Variants in MDGA2 observed in about 807,000 individuals in gnomAD.
The protein encoded by MDGA2 is MAM domain-containing glycosylphosphatidylinositol anchor protein 2.
A neutral mutation model predicts 117.8 loss-of-function variants in MDGA2; 40 were observed. The ratio of observed to expected loss-of-function variants is 0.34; its 90% CI spans 0.26 to 0.44. MDGA2 has a LOEUF of 0.44. Ranked by LOEUF, MDGA2 falls within the 20% of genes least tolerant of loss-of-function variation. MDGA2 has a pLI of 1.00. For synonymous variants in MDGA2, 452 were observed against 439.0 expected, an observed-to-expected ratio of 1.03 and a Z score of -0.37; for missense variants, 1,123 against 1,250.6, an observed-to-expected ratio of 0.90 and a Z score of 1.54.
intron 1 of MDGA2, among the ~76,000 whole-genome samples, chr14:47,493,955 GT>G (rs1894226302): frequency 6.6e-6 from 1 of 152,118 alleles, no homozygotes; most frequent in Non-Finnish European, 1.5e-5. Context: ...ATCGTCAAGT[GT>G]TGGAGGAGGG....
At chr14:47,216,820 T>G (rs12100959) in intron 3 of MDGA2, among the ~76,000 whole-genome samples, 11,192 of 152,110 alleles carry the variant, frequency 0.074, 470 homozygotes, top group Middle Eastern at 0.088. Context: ...GGCTATATTA[T>G]TTTGGGAAGT....
chr14:47,107,081 T>A (rs992694708), intron 5 of MDGA2, among the ~76,000 whole-genome samples: 1 of 133,048 alleles, frequency 7.5e-6, no homozygotes, highest in Non-Finnish European at 1.6e-5. Context: ...AACCCACAAG[T>A]ATAAGACACC....
intron 6 of MDGA2, among the ~76,000 whole-genome samples, chr14:47,083,708 A>G (rs1890790261): frequency 6.6e-6 from 1 of 152,106 alleles, no homozygotes; most frequent in African/African-American, 2.4e-5. Context: ...AAATATAATG[A>G]TATAGGTAGG....
chr14:47,562,590 T>C (rs919642254), intron 1 of MDGA2, among the ~76,000 whole-genome samples: 2 of 152,220 alleles, frequency 1.3e-5, no homozygotes, highest in African/African-American at 4.8e-5. Flanking sequence ...TAATGTCTCA[T>C]GTTTTATTTC....
chr14:47,603,423 G>A (rs148507014), intron 1 of MDGA2, among the ~76,000 whole-genome samples: 4 of 152,208 alleles, frequency 2.6e-5, no homozygotes, highest in East Asian at 1.9e-4. Flanking sequence ...CATCACTGTC[G>A]AAAGACTAGC....
intron 2 of MDGA2, among the ~76,000 whole-genome samples, chr14:47,226,056 G>T (rs1886484067): frequency 6.6e-6 from 1 of 151,758 alleles, no homozygotes; most frequent in Admixed American, 6.6e-5. Flanking sequence ...TGGGGAGGCC[G>T]AGGCAGAAGG....
At chr14:47,107,695 C>T (rs1419209977) in intron 5 of MDGA2, among the ~76,000 whole-genome samples, 3 of 151,478 alleles carry the variant, frequency 2.0e-5, no homozygotes, top group Admixed American at 1.3e-4. Context: ...GCACCTTCTA[C>T]AAAACAACTC....
intron 2 of MDGA2, among the ~76,000 whole-genome samples, chr14:47,260,134 G>T (rs1288427600): frequency 1.3e-5 from 2 of 152,046 alleles, no homozygotes; most frequent in African/African-American, 4.8e-5. Flanking sequence ...GGATAGCATG[G>T]CCCAAAATAT....
intron 1 of MDGA2, among the ~76,000 whole-genome samples, chr14:47,302,672 G>T (rs1248458142): frequency 6.6e-6 from 1 of 151,810 alleles, no homozygotes; most frequent in African/African-American, 2.4e-5. Flanking sequence ...TGATTCTATG[G>T]AAGAAAAAAA....
intron 4 of MDGA2, among the ~76,000 whole-genome samples, chr14:47,143,258 T>C (rs1882799039): frequency 6.6e-6 from 1 of 152,208 alleles, no homozygotes; most frequent in Admixed American, 6.5e-5. Context: ...AGTACAGGCA[T>C]GAGCCACCAC....
intron 2 of MDGA2, among the ~76,000 whole-genome samples, chr14:47,292,772 G>A (rs117619004): frequency 0.011 from 1,677 of 152,202 alleles, 14 homozygotes; most frequent in Non-Finnish European, 0.016. Flanking sequence ...CATTATAGCG[G>A]AAAATGCCTA....
intron 8 of MDGA2, among the ~76,000 whole-genome samples, chr14:46,970,341 G>A (rs10151715): frequency 0.57 from 86,905 of 151,900 alleles, 25,687 homozygotes; most frequent in Non-Finnish European, 0.63. Context: ...TATAGCAGTC[G>A]TATAAAAACA....
chr14:47,605,659 T>C (rs949803367), intron 1 of MDGA2, among the ~76,000 whole-genome samples: 2 of 152,108 alleles, frequency 1.3e-5, no homozygotes, highest in African/African-American at 4.8e-5. Flanking sequence ...AAAAAAAAGA[T>C]TAATCAGAAT....
At chr14:46,960,874 CAT>C (rs533297273) in intron 8 of MDGA2, among the ~76,000 whole-genome samples, 155 of 138,260 alleles carry the variant, frequency 1.1e-3, no homozygotes, top group East Asian at 6.5e-3. Context: ...TATATATACA[CAT>C]GTTTTATATA....
Position 47,038,476 on chromosome 14 carries a change from ATTTG to A in MDGA2, c.1526-3176_1526-3173del, listed in dbSNP as rs545843420. The stretch of plus-strand genomic sequence containing the variant: ...AAATATTTCAAATATCCCTTTTAAA[ATTTG>A]TTTATGTTTTTCATGTATTTAGATA... On this transcript the variant is annotated intron_variant, in intron 7 of 16. Transcript: ENST00000399232. Among the ~76,000 whole-genome samples the A allele has an allele frequency of 2.2e-4, 34 of 152,218 alleles. 1 individual carries two copies. The highest frequency in any genetic ancestry group is 1.0e-3 in the South Asian group (5 of 4,828).
intron 1 of MDGA2, among the ~76,000 whole-genome samples, chr14:47,529,662 T>C (rs1327539196): frequency 2.0e-5 from 3 of 152,152 alleles, no homozygotes; most frequent in Non-Finnish European, 2.9e-5. Context: ...TCTGAACCCT[T>C]GACTTAAATT....
chr14:47,112,550 T>A (rs1881099352), intron 5 of MDGA2, among the ~76,000 whole-genome samples: 1 of 152,172 alleles, frequency 6.6e-6, no homozygotes, highest in African/African-American at 2.4e-5. Flanking sequence ...TTAAACTCCA[T>A]CCATGTCCCT....
chr14:46,941,458 T>TAAGTC lies in MDGA2; in HGVS notation c.2089+15915_2089+15916insGACTT, dbSNP rs367853225. ...TGTGGATTCTCTCTCCTGACCACTC[T>TAAGTC]TAGTTTCAGGCATGCCCTTGGAACA... On this transcript the variant is annotated intron_variant, in intron 9 of 16. Coordinates refer to ENST00000399232, the MANE Select transcript of MDGA2 (RefSeq NM_001113498.3). Among the ~76,000 whole-genome samples, 174 of 152,280 alleles carry TAAGTC rather than the reference T, an allele frequency of 1.1e-3. 1 individual carries two copies. Among genetic ancestry groups the TAAGTC allele is most frequent in the African/African-American group, 4.0e-3 (167 of 41,564 alleles).
chr14:47,634,392 CAAAT>C (rs1490986769), intron 1 of MDGA2, among the ~76,000 whole-genome samples: 3 of 150,806 alleles, frequency 2.0e-5, no homozygotes, highest in African/African-American at 4.9e-5. Context: ...GACAAGAAAA[CAAAT>C]AATTTATTAG....
Sources: allele counts gnomAD v4.1 joint callset (sites outside exome capture counted in the v4.1 genomes callset), GRCh38; gene constraint gnomAD v4.1.1; transcripts MANE v1.5; gene names NCBI Gene and HGNC (gene_info 2026-07-23, HGNC 2026-07-21).